Variants in UBE4B observed in about 807,000 individuals in gnomAD.
UBE4B encodes the protein ubiquitination factor E4B.
Under a neutral mutation model 148.1 loss-of-function variants are expected in UBE4B, and 27 were observed. The ratio of observed to expected loss-of-function variants is 0.18; its 90% CI spans 0.13 to 0.25. The LOEUF is 0.25. UBE4B is among the 10% of genes least tolerant of loss of function. The pLI is 1.00. For synonymous variants in UBE4B, 596 were observed against 619.3 expected, an observed-to-expected ratio of 0.96 and a Z score of 0.56; for missense variants, 1,170 against 1,662.4, an observed-to-expected ratio of 0.70 and a Z score of 5.15.
At chr1:10,141,974 A>T (rs748024320) in intron 17 of UBE4B, among the ~76,000 whole-genome samples, 4 of 152,180 alleles carry the variant, frequency 2.6e-5, no homozygotes, top group Non-Finnish European at 4.4e-5. Flanking sequence ...CTTTCCTTTA[A>T]CAACAGTCTT....
chr1:10,179,828 C>G, intron 27 of UBE4B, 67 bp from the exon 28 acceptor site: 2 of 1,584,574 alleles, frequency 1.3e-6, no homozygotes, highest in Non-Finnish European at 1.7e-6. Flanking sequence ...TACAGAGCGA[C>G]AAGCATCCTC....
chr1:10,149,091 A>G (rs1645929329), intron 19 of UBE4B, 93 bp from the exon 20 acceptor site: 1 of 895,772 alleles, frequency 1.1e-6, no homozygotes, highest in East Asian at 2.6e-5. Context: ...TCTTCCCCAA[A>G]TGAAATACTT....
intron 11 of UBE4B, among the ~76,000 whole-genome samples, chr1:10,128,186 G>C (rs888956666): frequency 6.6e-6 from 1 of 152,220 alleles, no homozygotes; most frequent in African/African-American, 2.4e-5. Flanking sequence ...TCATGGGACT[G>C]TTGGCTTTTG....
intron 5 of UBE4B, among the ~76,000 whole-genome samples, chr1:10,104,736 A>T (rs1189901540): frequency 6.6e-6 from 1 of 152,232 alleles, no homozygotes; most frequent in Non-Finnish European, 1.5e-5. Flanking sequence ...TGTCTTACAC[A>T]TGTAAGTGGC....
chr1:10,160,381 C>T (rs557929365), intron 22 of UBE4B, among the ~76,000 whole-genome samples: 1 of 151,988 alleles, frequency 6.6e-6, no homozygotes, highest in South Asian at 2.1e-4. Flanking sequence ...ATGCGTTTTT[C>T]CTGTTCTAGT....
chr1:10,096,426 T>C (rs1338403831), intron 3 of UBE4B, among the ~76,000 whole-genome samples: 2 of 152,084 alleles, frequency 1.3e-5, no homozygotes, highest in Non-Finnish European at 2.9e-5. Context: ...GTCAGTGGGC[T>C]AAACAGATGA....
At chr1:10,076,741 C>CTT (rs61563451) in intron 2 of UBE4B, among the ~76,000 whole-genome samples, 1,583 of 105,792 alleles carry the variant, frequency 0.015, 34 homozygotes, top group Non-Finnish European at 0.024. Flanking sequence ...CAGTCCCAGC[C>CTT]TTTTTTTTTT....
In UBE4B at chr1:10,154,412, G is replaced by A. The variant is rs375872278; in HGVS notation, c.2926+2851G>A. On this transcript the variant is annotated intron_variant, in intron 21 of 27. Transcript: ENST00000343090. ...AAAAAAAGAGTGGATTTGGAGCTAC[G>A]AGACAACAGCTGAATAGCTATACTC... 2.8e-4 allele frequency among the ~76,000 whole-genome samples: 42 copies of A among 152,184 alleles called. 2 individuals carry two copies. In the South Asian group the frequency reaches 7.1e-3, roughly 26 times the overall value.
At chr1:10,175,360 A>G (rs1354256642) in intron 25 of UBE4B, among the ~76,000 whole-genome samples, 1 of 151,372 alleles carries the variant, frequency 6.6e-6, no homozygotes, top group African/African-American at 2.4e-5. Flanking sequence ...CTTAGAAAAT[A>G]AAAAAAAATA....
chr1:10,094,149 A>G (rs2101871880), intron 2 of UBE4B, among the ~76,000 whole-genome samples: 1 of 152,294 alleles, frequency 6.6e-6, no homozygotes, highest in Non-Finnish European at 1.5e-5. Context: ...GTAAAACATG[A>G]TTTTAAAGAC....
intron 21 of UBE4B, among the ~76,000 whole-genome samples, chr1:10,153,781 C>T (rs1646020137): frequency 6.6e-6 from 1 of 151,892 alleles, no homozygotes. Flanking sequence ...AACCCCGTCT[C>T]TACTAAAAAT....
At chr1:10,094,846 G>A (rs942403728) in intron 2 of UBE4B, among the ~76,000 whole-genome samples, 30 of 151,240 alleles carry the variant, frequency 2.0e-4, no homozygotes, top group African/African-American at 5.8e-4. Context: ...GCTGGAGTGC[G>A]GTGGTGTGAT....
intron 1 of UBE4B, among the ~76,000 whole-genome samples, chr1:10,066,811 C>T: frequency 6.6e-6 from 1 of 151,970 alleles, no homozygotes; most frequent in Non-Finnish European, 1.5e-5. Context: ...GAGGCTGAGA[C>T]AGGAGAATGG....
intron 17 of UBE4B, among the ~76,000 whole-genome samples, chr1:10,137,998 G>A (rs1973936): frequency 2.6e-5 from 3 of 117,618 alleles, no homozygotes; most frequent in Non-Finnish European, 4.8e-5. Context: ...GCAGTGGTAC[G>A]ATCTCAGCTC....
In UBE4B at chr1:10,072,230, A is replaced by T. The variant is rs377423949; in HGVS notation, c.211+16A>T. On this transcript the variant is annotated intron_variant, in intron 2 of 27. Transcript: ENST00000343090. Reference sequence around the variant, plus strand: ...GGTGCATCAGGTAAGCCCAAGCTTCATACCTGGGACTCTTTTGTAATTCTT... The same window carrying T: ...GGTGCATCAGGTAAGCCCAAGCTTCTTACCTGGGACTCTTTTGTAATTCTT... 4.6e-5 allele frequency: 74 copies of T among 1,604,068 alleles called. No homozygotes were observed. The African/African-American group carries it at 8.4e-4, about 18-fold the overall frequency.
chr1:10,136,718 G>A (rs1192198813), intron 16 of UBE4B, among the ~76,000 whole-genome samples: 4 of 152,166 alleles, frequency 2.6e-5, no homozygotes, highest in Non-Finnish European at 4.4e-5. Flanking sequence ...TCAGGAGTTC[G>A]AGACCAGTCT....
At chr1:10,136,005 A>G (rs1645676341) in intron 16 of UBE4B, among the ~76,000 whole-genome samples, 1 of 148,890 alleles carries the variant, frequency 6.7e-6, no homozygotes, top group African/African-American at 2.6e-5. Context: ...AAATCCTCCC[A>G]GTAGTAACAT....
intron 3 of UBE4B, among the ~76,000 whole-genome samples, chr1:10,096,605 T>C (rs1644931666): frequency 2.0e-5 from 3 of 151,924 alleles, no homozygotes; most frequent in African/African-American, 7.3e-5. Context: ...GCCTGTAATC[T>C]CAGCTACTGG....
intron 8 of UBE4B, among the ~76,000 whole-genome samples, chr1:10,118,119 G>A (rs1003296017): frequency 2.6e-5 from 4 of 152,066 alleles, no homozygotes; most frequent in Admixed American, 1.3e-4. Flanking sequence ...TTGCAAGGCT[G>A]GGCTTAAACT....
Sources: gnomAD v4.1 joint callset for allele counts (sites outside exome capture counted in the v4.1 genomes callset) on GRCh38, gnomAD v4.1.1 for gene constraint, MANE v1.5 for transcripts, NCBI Gene and HGNC (gene_info 2026-07-23, HGNC 2026-07-21) for gene names.